The following HEPACAM2 variants were observed in gnomAD, a reference collection of about 807,000 sequenced individuals.
HEPACAM2 encodes HEPACAM family member 2.
In HEPACAM2, 49 loss-of-function variants were observed where a neutral mutation model predicts 49.6. The ratio of observed to expected loss-of-function variants is 0.99; its 90% CI spans 0.78 to 1.25. The LOEUF is 1.25. Ranked by LOEUF, HEPACAM2 falls within the 50% of genes most tolerant of loss-of-function variation. The probability of loss-of-function intolerance (pLI) is 0.00; values close to 1 mark genes in which losing one functional copy is unlikely to be tolerated. For missense variants in HEPACAM2, 525 were observed against 557.2 expected, an observed-to-expected ratio of 0.94 and a Z score of 0.58; for synonymous variants, 197 against 202.9, an observed-to-expected ratio of 0.97 and a Z score of 0.25.
intron 3 of HEPACAM2, among the ~76,000 whole-genome samples, chr7:93,213,594 T>C (rs1192490172): frequency 1.3e-5 from 2 of 152,082 alleles, no homozygotes; most frequent in Non-Finnish European, 2.9e-5. Flanking sequence ...AGATAATCTG[T>C]TCCATTTTAG....
In HEPACAM2 at chr7:93,197,495, T is replaced by C. The variant is rs1399469634; in HGVS notation, c.1128A>G (p.Gln376=). ...GTAATTTTAACCTACCTTTGTAGGG[T>C]TGATATTTTTTCCATAGGAAGAGAA... is the stretch of plus-strand genomic sequence containing the variant. ...MCLLFLWKKY[Q]PYKVIKQKLE... is the part of the protein sequence containing the mutation. Residue 376 remains glutamine, a synonymous_variant, in exon 5 of 10, where the codon CAA becomes CAG. Coordinates refer to ENST00000394468, the MANE Select transcript of HEPACAM2 (RefSeq NM_001039372.4). The C allele has an allele frequency of 1.9e-6, 3 of 1,592,896 alleles. No individual in the cohort carries two copies. In the Admixed American group the frequency reaches 5.2e-5, roughly 28 times the overall value.
At chr7:93,217,891 T>C (rs1794347203) in intron 2 of HEPACAM2, among the ~76,000 whole-genome samples, 1 of 151,226 alleles carries the variant, frequency 6.6e-6, no homozygotes, top group Non-Finnish European at 1.5e-5. Context: ...TGTGTGTGTG[T>C]GTGTGTGTGT....
chr7:93,229,325 C>T (rs1374546084), upstream of HEPACAM2, among the ~76,000 whole-genome samples: 1 of 152,186 alleles, frequency 6.6e-6, no homozygotes, highest in African/African-American at 2.4e-5. Flanking sequence ...AAATACTAAG[C>T]AGTAATGTCT....
chr7:93,189,359 C>T, intron 9 of HEPACAM2, 89 bp from the exon 10 acceptor site: 1 of 823,100 alleles, frequency 1.2e-6, no homozygotes, highest in Non-Finnish European at 1.9e-6. Flanking sequence ...TTATTGCTTT[C>T]CAGGGCTACA....
At chr7:93,202,270 T>G (rs1005780310) in intron 4 of HEPACAM2, among the ~76,000 whole-genome samples, 1 of 150,928 alleles carries the variant, frequency 6.6e-6, no homozygotes, top group Non-Finnish European at 1.5e-5. Flanking sequence ...TATTAAATAT[T>G]ATATATACAT....
intron 4 of HEPACAM2, among the ~76,000 whole-genome samples, chr7:93,199,148 C>G (rs985963055): frequency 6.6e-6 from 1 of 152,122 alleles, no homozygotes. Context: ...TTCTGACATG[C>G]GTTCAGAGAA....
At chr7:93,204,837 C>T (rs886944736) in intron 4 of HEPACAM2, among the ~76,000 whole-genome samples, 8 of 152,218 alleles carry the variant, frequency 5.3e-5, no homozygotes, top group African/African-American at 1.9e-4. Context: ...TGGTGGCTCA[C>T]GCCTGTAATC....
intron 9 of HEPACAM2, among the ~76,000 whole-genome samples, chr7:93,190,854 C>T (rs1323085618): frequency 1.3e-5 from 2 of 151,754 alleles, no homozygotes; most frequent in Non-Finnish European, 2.9e-5. Flanking sequence ...CTGCCATATT[C>T]ACAATTTTGA....
At chr7:93,208,258 C>G (rs1283854333) in intron 4 of HEPACAM2, among the ~76,000 whole-genome samples, 1 of 151,998 alleles carries the variant, frequency 6.6e-6, no homozygotes, top group Non-Finnish European at 1.5e-5. Flanking sequence ...TATAAACCCT[C>G]TAAATGAACA....
At chr7:93,197,663 T>C in intron 4 of HEPACAM2, 53 bp from the exon 5 acceptor site, 2 of 1,370,278 alleles carry the variant, frequency 1.5e-6, no homozygotes, top group Non-Finnish European at 2.0e-6. Flanking sequence ...AGTATATAAC[T>C]TGACTTTTTA....
At position 93,192,271 on chromosome 7, in the gene HEPACAM2, C is replaced by A. The variant is rs1171371647; in HGVS notation, c.1368G>T (p.Gln456His). 1 of 1,611,932 alleles carries A rather than the reference C, an allele frequency of 6.2e-7. No homozygotes were observed. The highest frequency in any genetic ancestry group is 1.3e-5 in the African/African-American group (1 of 74,948). The change falls in exon 9 of 10, where the codon CAG (glutamine) becomes CAT (histidine). Residue 456 changes from glutamine to histidine, a missense_variant. By Grantham distance (24) the Gln-to-His change is conservative. Transcript: ENST00000394468. The part of the protein sequence containing the change: ...VYEVIQHIPA[Q>H]QQDHPE ...GTACTTACTCTGGATGGTCTTGCTGCTGGGCAGGGATGTGCTGAATAACTT... is the reference window on the plus strand; with the variant it reads ...GTACTTACTCTGGATGGTCTTGCTGATGGGCAGGGATGTGCTGAATAACTT...
rs144447965 is a variant in HEPACAM2, at chr7:93,192,245, C to A, written c.1385+9G>T. Reference sequence around the variant, plus strand: ...TCCATAGCACCATCAAATGCAGATTCGTACTTACTCTGGATGGTCTTGCTG... The same window carrying A: ...TCCATAGCACCATCAAATGCAGATTAGTACTTACTCTGGATGGTCTTGCTG... On this transcript the variant is annotated intron_variant, in intron 9 of 9. Coordinates refer to ENST00000394468, the MANE Select transcript of HEPACAM2 (RefSeq NM_001039372.4). 7.5e-5 allele frequency: 119 copies of A among 1,595,160 alleles called. No homozygotes were observed. The East Asian group carries it at 2.0e-3, about 27-fold the overall frequency.
At chr7:93,221,069 G>C (rs921910641) in intron 1 of HEPACAM2, among the ~76,000 whole-genome samples, 13 of 152,118 alleles carry the variant, frequency 8.5e-5, no homozygotes, top group African/African-American at 3.1e-4. Context: ...GTTTTGCTGT[G>C]AAGAGGACCA....
rs1793454901 is a variant in HEPACAM2 at position 93,188,545 on chromosome 7, T to C, written c.*722A>G. 1 of 152,286 alleles carries C rather than the reference T, an allele frequency of 6.6e-6. No homozygotes were observed. Among genetic ancestry groups the C allele is most frequent in the South Asian group, 2.1e-4 (1 of 4,834 alleles). 9.4% of individuals were successfully genotyped at this position (152,286 alleles called of 1,614,324 possible). A position where few individuals can be genotyped will look rare whatever the true frequency, so the allele number is the denominator to read the frequency against. On this transcript the variant is annotated 3_prime_UTR_variant, in exon 10 of 10. Transcript: ENST00000394468. ...ACCAACGTCTACAATCTGATTTTTA[T>C]GTAATATTTTTACTCTACAAGACAA...
At chr7:93,219,512 C>T (rs768923425) in intron 1 of HEPACAM2, 61 bp from the exon 2 acceptor site, 1 of 1,604,968 alleles carries the variant, frequency 6.2e-7, no homozygotes, top group Admixed American at 1.7e-5. Flanking sequence ...TCTAAAGGGG[C>T]AAATGCAGAG....
intron 9 of HEPACAM2, among the ~76,000 whole-genome samples, chr7:93,191,659 T>A (rs1018294259): frequency 6.6e-5 from 10 of 152,224 alleles, no homozygotes; most frequent in African/African-American, 2.4e-4. Flanking sequence ...GGGAGACTTC[T>A]TAGTGACAGC....
chr7:93,195,446 TG>T (rs1793686785), intron 8 of HEPACAM2, among the ~76,000 whole-genome samples: 2 of 152,098 alleles, frequency 1.3e-5, no homozygotes, highest in African/African-American at 2.4e-5. Flanking sequence ...CTCAAACTCC[TG>T]GGCTCAAGTG....
Position 93,197,366 on chromosome 7 carries a change from G to A in HEPACAM2, c.1163+7C>T. The A allele has an allele frequency of 6.3e-7, 1 of 1,599,282 alleles. No individual in the cohort carries two copies. Among genetic ancestry groups the A allele is most frequent in the Non-Finnish European group, 8.5e-7 (1 of 1,173,358 alleles). On this transcript the variant is annotated splice_region_variant and intron_variant, in intron 6 of 9. Transcript: ENST00000394468. ...AACAACTATTTTCATAGAAACAGAT[G>A]CATTACCTGCCTTCTAGTTTCTGTT...
rs1431624329 is a variant in HEPACAM2 at position 93,189,161 on chromosome 7, G to C, written c.*106C>G. ...AAAGGAATAATGAGTAAGAGGTGTT[G>C]GTCTTGGTTTCTTCACTGATTCCAG... On this transcript the variant is annotated 3_prime_UTR_variant, in exon 10 of 10. Transcript: ENST00000394468. 1.1e-6 allele frequency: 1 copy of C among 930,198 alleles called. No individual in the cohort carries two copies. The highest frequency in any genetic ancestry group is 1.5e-5 in the South Asian group (1 of 68,300). 57.6% of individuals were successfully genotyped at this position (930,198 alleles called of 1,614,324 possible).
Sources: allele counts gnomAD v4.1 joint callset (sites outside exome capture counted in the v4.1 genomes callset), GRCh38; gene constraint gnomAD v4.1.1; transcripts MANE v1.5; gene names NCBI Gene and HGNC (gene_info 2026-07-23, HGNC 2026-07-21).